Variants in KIF19 observed in about 807,000 individuals in gnomAD.
KIF19 encodes kinesin-like protein KIF19.
Under a neutral mutation model 106.6 loss-of-function variants are expected in KIF19, and 98 were observed. The ratio of observed to expected loss-of-function variants is 0.92; its 90% CI spans 0.78 to 1.09. KIF19 has a LOEUF of 1.09. KIF19 is among the 50% of genes least tolerant of loss of function. The pLI is 0.00. For missense variants in KIF19, 1,373 were observed against 1,414.3 expected (o/e 0.97, Z 0.47); for synonymous variants, 516 against 584.2 (o/e 0.88, Z 1.68).
chr17:74,346,411 G>T lies in KIF19; in HGVS notation c.811G>T (p.Ala271Ser). 1 of 1,575,448 alleles carries T rather than the reference G, an allele frequency of 6.3e-7. No homozygotes were observed. The highest frequency in any genetic ancestry group is 2.4e-5 in the East Asian group (1 of 42,236). ...QNRGQRMKEG[A>S]HINRSLLALG... ...TCGTGGGCAGCGTATGAAGGAGGGG[G>T]CCCACATCAACCGCTCACTGCTGGC... is the stretch of plus-strand genomic sequence containing the variant. Residue 271 changes from alanine (A) to serine (S), a missense_variant, in exon 8 of 20, where the codon GCC becomes TCC. Around this residue, in one of 3 missense-constraint regions of KIF19, gnomAD observed 348 missense variants for 389.5 expected, o/e 0.89. Coordinates refer to ENST00000389916, the MANE Select transcript of KIF19 (RefSeq NM_153209.4). The surrounding 1 kb of genome is among the most constrained non-coding windows in gnomAD (Gnocchi z 4.6).
chr17:74,349,076 A>T lies in KIF19; in HGVS notation c.1048-108A>T, dbSNP rs139198182. The T allele has an allele frequency of 4.0e-4, 444 of 1,099,498 alleles. 4 individuals are homozygous for T. The East Asian group carries it at 8.5e-3, about 21-fold the overall frequency. 68.1% of individuals were successfully genotyped at this position (1,099,498 alleles called of 1,614,324 possible). A position where few individuals can be genotyped will look rare whatever the true frequency, so the allele number is the denominator to read the frequency against. On this transcript the variant is annotated intron_variant, in intron 9 of 19. Transcript: ENST00000389916. ...TGGAGGAAAGGAGGCCATTACTGTC[A>T]CCCAGAAAGACTGGGGGAGGCAGGG...
intron 7 of KIF19, 95 bp downstream of exon 7, chr17:74,345,050 C>T: frequency 1.6e-6 from 2 of 1,219,406 alleles, no homozygotes; most frequent in Non-Finnish European, 2.3e-6. Flanking sequence ...GCCAGCACCA[C>T]AGGAACAGGG....
intron 1 of KIF19, among the ~76,000 whole-genome samples, chr17:74,327,787 C>A (rs1015756072): frequency 1.3e-4 from 20 of 152,220 alleles, no homozygotes; most frequent in Non-Finnish European, 2.4e-4. Context: ...AGTCTTCACT[C>A]GGCCAGAGGG....
chr17:74,354,807 TG>T lies in KIF19; in HGVS notation c.2736del (p.His914IlefsTer116). 6.4e-7 allele frequency: 1 copy of T among 1,559,624 alleles called. No homozygotes were observed. The highest frequency in any genetic ancestry group is 8.7e-7 in the Non-Finnish European group (1 of 1,151,968). On this transcript the variant is annotated frameshift_variant, in exon 19 of 20. Coordinates refer to ENST00000389916, the MANE Select transcript of KIF19 (RefSeq NM_153209.4). LOFTEE classifies it high-confidence loss of function. Reference protein sequence around the residue: ...QGLSHPKTHLLGPHQAERISD... With the variant: ...QGLSHPKTHLXGPHQAERISD... ...CTCTCCCACCCCAAGACACACCTCC[TG>T]GGGCCCCATCAGGCGGAGCGCATCT... is the stretch of plus-strand genomic sequence containing the variant.
chr17:74,332,179 A>AGTGTGTGTGTGTGTGT (rs1270595840), intron 2 of KIF19, among the ~76,000 whole-genome samples: 7 of 117,790 alleles, frequency 5.9e-5, no homozygotes, highest in East Asian at 2.3e-4. Flanking sequence ...TGAACACCTC[A>AGTGTGTGTGTGTGTGT]GTGTGTGTGT....
chr17:74,351,615 G>A (rs977656216), intron 12 of KIF19, among the ~76,000 whole-genome samples: 2 of 152,228 alleles, frequency 1.3e-5, no homozygotes, highest in African/African-American at 4.8e-5. Context: ...CACATGGGCT[G>A]GGGTTGAGCA....
chr17:74,352,067 C>T lies in KIF19; in HGVS notation c.1788C>T (p.Ala596=), dbSNP rs757851806. The change falls in exon 13 of 20, where the codon GCC becomes GCT. Residue 596 remains alanine, a synonymous_variant. Coordinates refer to ENST00000389916, the MANE Select transcript of KIF19 (RefSeq NM_153209.4). Reference sequence around the variant, plus strand: ...GTGCGCTCCGCCACCGCCACGAGGCCGTGCGCCGCCTGGAGCAGCACCGCA... The same window carrying T: ...GTGCGCTCCGCCACCGCCACGAGGCTGTGCGCCGCCTGGAGCAGCACCGCA... The part of the protein sequence containing the change: ...RDGALRHRHE[A]VRRLEQHRSL... 5 of 1,591,280 alleles carry T rather than the reference C, an allele frequency of 3.1e-6. No homozygotes were observed. The highest frequency in any genetic ancestry group is 3.4e-5 in the Admixed American group (2 of 58,130).
rs200634954 is a variant in KIF19 at position 74,354,163 on chromosome 17, G to C, written c.2310G>C (p.Glu770Asp). 3.4e-4 allele frequency: 543 copies of C among 1,604,940 alleles called. 2 individuals carry two copies. The African/African-American group carries it at 6.4e-3, about 19-fold the overall frequency. ...TATGTTCCCCGTGTCCCGCTGCAGA[G>C]AGGAAGGAGATCCTGACTGGCACCA... ...NLSEIPLSHKERKEILTGTKC... is the reference protein window; with the variant it reads ...NLSEIPLSHKDRKEILTGTKC... Residue 770 changes from glutamate (E) to aspartate (D), a missense_variant and splice_region_variant, in exon 18 of 20, where the codon GAG becomes GAC. Physicochemically the swap from Glu to Asp is conservative, Grantham distance 45. Transcript: ENST00000389916.
chr17:74,352,469 C>T (rs978524842), intron 14 of KIF19, 129 bp downstream of exon 14: 1 of 1,220,284 alleles, frequency 8.2e-7, no homozygotes, highest in African/African-American at 1.5e-5. Flanking sequence ...GAGTTGACTC[C>T]CTTTCCTTCT....
chr17:74,338,187 C>A (rs1022541470), intron 2 of KIF19, among the ~76,000 whole-genome samples: 1 of 152,252 alleles, frequency 6.6e-6, no homozygotes, highest in East Asian at 1.9e-4. Context: ...ACTGGTCCTC[C>A]CCGTGTCCAC....
In KIF19 at chr17:74,354,317, C is replaced by T. The variant is rs768562023; in HGVS notation, c.2464C>T (p.Arg822Trp). ...LHSLSEGDDA[R>W]PPGPLACKRP... ...CTCACTGAGCGAGGGCGACGATGCG[C>T]GGCCACCAGGCCCACTGGCCTGCAA... The change falls in exon 18 of 20, where the codon CGG (arginine) becomes TGG (tryptophan). Residue 822 changes from arginine (R) to tryptophan (W), a missense_variant. Physicochemically the swap from Arg to Trp is moderately radical, Grantham distance 101 (BLOSUM62 -3). Around this residue, in one of 3 missense-constraint regions of KIF19, gnomAD observed 1,020 missense variants for 1,008.2 expected, o/e 1.01. Transcript: ENST00000389916. The T allele has an allele frequency of 3.3e-5, 53 of 1,607,878 alleles. 1 individual carries two copies. The South Asian group carries it at 3.9e-4, about 12-fold the overall frequency.
Position 74,350,759 on chromosome 17 carries a change from A to G in KIF19, c.1441A>G (p.Lys481Glu). Reference sequence around the variant, plus strand: ...CCTCAAATGGCGGGAGGAGCAGCGAAAGGAGTGCTACGCTAAGGACGACAG... The same window carrying G: ...CCTCAAATGGCGGGAGGAGCAGCGAGAGGAGTGCTACGCTAAGGACGACAG... ...RALKWREEQR[K>E]ECYAKDDSEK... is the part of the protein sequence containing the mutation. The change falls in exon 12 of 20, where the codon AAG (lysine) becomes GAG (glutamate). Residue 481 changes from lysine to glutamate, a missense_variant. Coordinates refer to ENST00000389916, the MANE Select transcript of KIF19 (RefSeq NM_153209.4). The G allele has an allele frequency of 1.2e-6, 2 of 1,613,998 alleles. No homozygotes were observed.
chr17:74,354,655 C>T, intron 18 of KIF19, 96 bp downstream of exon 18: 1 of 1,528,574 alleles, frequency 6.5e-7, no homozygotes. Context: ...CACCTCTAGC[C>T]TACCCCATAC....
Position 74,326,307 on chromosome 17 carries a change from C to A in KIF19, c.-43C>A. 6.3e-7 allele frequency: 1 copy of A among 1,592,988 alleles called. No homozygotes were observed. Among genetic ancestry groups the A allele is most frequent in the Middle Eastern group, 1.7e-4 (1 of 6,000 alleles). On this transcript the variant is annotated 5_prime_UTR_variant, in exon 1 of 20. Transcript: ENST00000389916. The stretch of plus-strand genomic sequence containing the variant: ...GGAGGCGGTGGGGGTGCGGCTGAGC[C>A]ATGCCCGGTGGCGCGGCCTGAGCCC...
rs371297989 is a variant in KIF19 at position 74,349,008 on chromosome 17, G to A, written c.1048-176G>A. 1.4e-5 allele frequency: 9 copies of A among 627,322 alleles called. 1 individual carries two copies. Among genetic ancestry groups the A allele is most frequent in the Middle Eastern group, 6.5e-4 (2 of 3,062 alleles). The allele number at this position is 627,322 out of a possible 1,614,324, so 38.9% of individuals were successfully genotyped here. On this transcript the variant is annotated intron_variant, in intron 9 of 19. Coordinates refer to ENST00000389916, the MANE Select transcript of KIF19 (RefSeq NM_153209.4). ...CGCAGGCATTAGGAAGCCACTGAAG[G>A]TTGATGAGATCTAGCAGTGAGTGTG...
chr17:74,349,310 CG>C lies in KIF19; in HGVS notation c.1178del (p.Gly393AlafsTer282), dbSNP rs112058678. The C allele has an allele frequency of 1.2e-6, 2 of 1,609,642 alleles. No individual in the cohort carries two copies. Among genetic ancestry groups the C allele is most frequent in the Middle Eastern group, 1.7e-4 (1 of 6,038 alleles). ...TGAGCAGACTGGGCGGGGCCAGGCC[CG>C]GGGCCGGCAGGATCGGGGTGACATC... The part of the protein sequence containing the change: ...IDEQTGRGQA[R>X]GRQDRGDIRH... On this transcript the variant is annotated frameshift_variant, in exon 10 of 20. Transcript: ENST00000389916. LOFTEE classifies it high-confidence loss of function.
Position 74,344,520 on chromosome 17 carries a change from A to C in KIF19, c.582+172A>C, listed in dbSNP as rs2054474547. Reference sequence around the variant, plus strand: ...GACTCACACCTGCCCCAATGCCCCCACCACGCTGACCCTGGGAGAGTAACC... The same window carrying C: ...GACTCACACCTGCCCCAATGCCCCCCCCACGCTGACCCTGGGAGAGTAACC... On this transcript the variant is annotated intron_variant, in intron 6 of 19. Transcript: ENST00000389916. 2.0e-5 allele frequency among the ~76,000 whole-genome samples: 3 copies of C among 152,166 alleles called. No individual in the cohort carries two copies. In the South Asian group the frequency reaches 6.2e-4, roughly 32 times the overall value.
In KIF19 at chr17:74,326,398, T is replaced by G; in HGVS notation, c.39+10T>G. 2 of 1,610,978 alleles carry G rather than the reference T, an allele frequency of 1.2e-6. No individual in the cohort carries two copies. Among genetic ancestry groups the G allele is most frequent in the Non-Finnish European group, 1.7e-6 (2 of 1,178,186 alleles). On this transcript the variant is annotated intron_variant, in intron 1 of 19. Coordinates refer to ENST00000389916, the MANE Select transcript of KIF19 (RefSeq NM_153209.4). ...GGACCAGCAACTCATGGTGAGACCC[T>G]TTTAGACCCTCCTCCCCACCCCGCT... is the stretch of plus-strand genomic sequence containing the variant.
chr17:74,331,361 G>A lies in KIF19; in HGVS notation c.120+2856G>A, dbSNP rs2054074708. Among the ~76,000 whole-genome samples the A allele has an allele frequency of 7.6e-6, 1 of 130,968 alleles. No homozygotes were observed. 85.9% of individuals were successfully genotyped at this position (130,968 alleles called of 152,430 possible). On this transcript the variant is annotated intron_variant, in intron 2 of 19. Transcript: ENST00000389916. This position sits in a 1 kb window ranked among gnomAD's most constrained non-coding sequence, Gnocchi z 4.1. ...GACATGTTCGTCCTGAGTGGGGAGA[G>A]GTGGACCGGGGACACAGTAACCCGC...
Sources: gnomAD v4.1 joint callset for allele counts (sites outside exome capture counted in the v4.1 genomes callset) on GRCh38, gnomAD v4.1.1 for gene constraint, gnomAD v4.1.1 regional missense constraint, Gnocchi (gnomAD v3.1) non-coding constraint, MANE v1.5 for transcripts, NCBI Gene and HGNC (gene_info 2026-07-23, HGNC 2026-07-21) for gene names.